The following CAMTA1 variants were observed in gnomAD, a reference collection of about 807,000 sequenced individuals.
The protein encoded by CAMTA1 is calmodulin binding transcription activator 1.
A neutral mutation model predicts 170.9 loss-of-function variants in CAMTA1; 27 were observed. The observed-to-expected ratio is 0.16, with a 90% CI of 0.12 to 0.22. The LOEUF is 0.22. Among genes scored for constraint, CAMTA1 ranks in the 10% least tolerant of loss-of-function variants. The pLI is 1.00. For missense variants in CAMTA1, 1,619 were observed against 2,217.2 expected, an observed-to-expected ratio of 0.73 and a Z score of 5.42; for synonymous variants, 833 against 891.5, an observed-to-expected ratio of 0.93 and a Z score of 1.17.
Position 7,293,755 on chromosome 1 carries a change from C to T in CAMTA1, c.438+44129C>T, listed in dbSNP as rs1352226961. Among the ~76,000 whole-genome samples the T allele has an allele frequency of 6.6e-6, 1 of 152,176 alleles. No homozygotes were observed. The highest frequency in any genetic ancestry group is 1.5e-5 in the Non-Finnish European group (1 of 68,034). ...TTGGGGTTCCCCTGGGGAGCATCTT[C>T]TTGGTTCTTGTAATGTTGCTGCCTC... On this transcript the variant is annotated intron_variant, in intron 5 of 22. Coordinates refer to ENST00000303635, the MANE Select transcript of CAMTA1 (RefSeq NM_015215.4). This position sits in a 1 kb window ranked among gnomAD's most constrained non-coding sequence, Gnocchi z 4.1.
chr1:7,461,771 T>G (rs574073743), intron 5 of CAMTA1, among the ~76,000 whole-genome samples: 26 of 152,346 alleles, frequency 1.7e-4, no homozygotes, highest in African/African-American at 6.3e-4. Flanking sequence ...GCAGACCAAC[T>G]AGAAGTTCTA....
At chr1:7,106,918 A>G (rs918979549) in intron 4 of CAMTA1, among the ~76,000 whole-genome samples, 5 of 151,934 alleles carry the variant, frequency 3.3e-5, no homozygotes, top group Admixed American at 1.3e-4. Flanking sequence ...TGGTCTTGTT[A>G]TTTGGAGGAT....
chr1:7,295,880 T>C (rs1280799081), intron 5 of CAMTA1, among the ~76,000 whole-genome samples: 1 of 152,242 alleles, frequency 6.6e-6, no homozygotes, highest in East Asian at 1.9e-4. Context: ...GCATATTTAT[T>C]ATCTGACCAT....
At chr1:7,107,429 A>C (rs774753551) in intron 4 of CAMTA1, among the ~76,000 whole-genome samples, 11 of 152,122 alleles carry the variant, frequency 7.2e-5, no homozygotes, top group Non-Finnish European at 1.5e-4. Context: ...GAAAACCGTG[A>C]ACTTTGGTGG....
At chr1:7,183,735 GTGGGTGGGAGTAGGGAC>G (rs936034800) in intron 4 of CAMTA1, among the ~76,000 whole-genome samples, 2 of 152,168 alleles carry the variant, frequency 1.3e-5, no homozygotes, top group African/African-American at 4.8e-5. Context: ...AAGAGCATCT[GTGGGTGGGAGTAGGGAC>G]TGAAGGCAGG....
intron 3 of CAMTA1, among the ~76,000 whole-genome samples, chr1:6,825,543 CA>C (rs1277582336): frequency 6.6e-6 from 1 of 152,154 alleles, no homozygotes; most frequent in African/African-American, 2.4e-5. Flanking sequence ...GTTATGTCTT[CA>C]TGAATTAATA....
intron 9 of CAMTA1, among the ~76,000 whole-genome samples, chr1:7,666,428 G>A (rs1220064785): frequency 1.3e-5 from 2 of 152,186 alleles, no homozygotes; most frequent in African/African-American, 4.8e-5. Flanking sequence ...CCGGGGATCT[G>A]ACTTTGAGAA....
chr1:6,985,735 A>G (rs921367147), intron 3 of CAMTA1, among the ~76,000 whole-genome samples: 1 of 152,158 alleles, frequency 6.6e-6, no homozygotes. Flanking sequence ...CACGGGGAGG[A>G]TTGATGTACA....
At chr1:7,640,056 C>T (rs1011499758) in intron 6 of CAMTA1, among the ~76,000 whole-genome samples, 1 of 152,160 alleles carries the variant, frequency 6.6e-6, no homozygotes, top group Non-Finnish European at 1.5e-5. Context: ...TTCCCAGTTA[C>T]ACACATATCA....
At chr1:7,198,437 G>C (rs1461119898) in intron 4 of CAMTA1, among the ~76,000 whole-genome samples, 2 of 151,950 alleles carry the variant, frequency 1.3e-5, no homozygotes, top group African/African-American at 4.8e-5. Flanking sequence ...ACCTGTGTGT[G>C]CCCCTGATGA....
intron 4 of CAMTA1, among the ~76,000 whole-genome samples, chr1:7,246,669 G>GGTT (rs1328801991): frequency 2.3e-4 from 15 of 64,250 alleles, no homozygotes; most frequent in Non-Finnish European, 3.8e-4. Flanking sequence ...GCTCTGACCT[G>GGTT]CTTTTTTTTT....
At chr1:7,498,213 T>G (rs573864870) in intron 6 of CAMTA1, among the ~76,000 whole-genome samples, 2 of 150,740 alleles carry the variant, frequency 1.3e-5, no homozygotes, top group East Asian at 4.0e-4. Context: ...TGTGACAGTG[T>G]GGATGTGTGT....
At chr1:7,141,810 AC>A in intron 4 of CAMTA1, among the ~76,000 whole-genome samples, 2 of 152,286 alleles carry the variant, frequency 1.3e-5, no homozygotes, top group African/African-American at 4.8e-5. Flanking sequence ...AGGATGAGAG[AC>A]AGGCAATGGT....
intron 3 of CAMTA1, among the ~76,000 whole-genome samples, chr1:7,006,196 A>G (rs760337549): frequency 6.6e-6 from 1 of 152,204 alleles, no homozygotes; most frequent in Admixed American, 6.5e-5. Context: ...TTCCCTGGGC[A>G]ATGGGATATC....
intron 4 of CAMTA1, among the ~76,000 whole-genome samples, chr1:7,206,136 T>G (rs1258437900): frequency 6.6e-6 from 1 of 152,186 alleles, no homozygotes; most frequent in Non-Finnish European, 1.5e-5. Flanking sequence ...GTAGGGCTTA[T>G]GTTCCCATTG....
intron 5 of CAMTA1, among the ~76,000 whole-genome samples, chr1:7,292,113 A>C (rs1673223207): frequency 6.6e-6 from 1 of 152,162 alleles, no homozygotes; most frequent in South Asian, 2.1e-4. Flanking sequence ...AACCAAATCA[A>C]ATTGGAGATC....
intron 3 of CAMTA1, among the ~76,000 whole-genome samples, chr1:6,984,375 G>A (rs944463101): frequency 2.6e-5 from 4 of 152,124 alleles, no homozygotes; most frequent in Admixed American, 2.0e-4. Flanking sequence ...CACTTTGGGA[G>A]GCTGAGGTGG....
rs565769011 is a variant in CAMTA1, at chr1:6,919,837, C to T, written c.234+94627C>T. ...ACTGTCGGATCTCAGGAGACTTATT[C>T]GCTATTACGAGAACAGCATGGGAAA... is the stretch of plus-strand genomic sequence containing the variant. On this transcript the variant is annotated intron_variant, in intron 3 of 22. Coordinates refer to ENST00000303635, the MANE Select transcript of CAMTA1 (RefSeq NM_015215.4). 5.6e-4 allele frequency among the ~76,000 whole-genome samples: 86 copies of T among 152,216 alleles called. 1 individual carries two copies. Among genetic ancestry groups the T allele is most frequent in the Non-Finnish European group, 9.0e-4 (61 of 68,016 alleles).
chr1:7,720,349 C>A (rs1250403052), intron 11 of CAMTA1, among the ~76,000 whole-genome samples: 1 of 152,102 alleles, frequency 6.6e-6, no homozygotes, highest in Non-Finnish European at 1.5e-5. Context: ...GGGAACATCT[C>A]AAAGTTAGGG....
Sources: gnomAD v4.1 joint callset for allele counts (sites outside exome capture counted in the v4.1 genomes callset) on GRCh38, gnomAD v4.1.1 for gene constraint, Gnocchi (gnomAD v3.1) non-coding constraint, MANE v1.5 for transcripts, NCBI Gene and HGNC (gene_info 2026-07-23, HGNC 2026-07-21) for gene names.